The following CDH23 variants were observed in gnomAD, a reference collection of about 807,000 sequenced individuals.
CDH23 encodes cadherin related 23, also known as cadherin-23.
CDH23 carries 189 observed loss-of-function variants against 317.1 expected under a neutral mutation model. That is an observed-to-expected ratio of 0.60 (90% CI 0.53 to 0.67). The LOEUF is 0.67. Among genes scored for constraint, CDH23 ranks in the 30% least tolerant of loss-of-function variants. The probability of loss-of-function intolerance (pLI) is 0.00; values close to 1 mark genes in which losing one functional copy is unlikely to be tolerated. For missense variants in CDH23, 4,401 were observed against 4,592.4 expected (o/e 0.96, Z 1.20); for synonymous variants, 1,839 against 1,876.8 (o/e 0.98, Z 0.52).
chr10:71,533,168 G>A (rs1855498826), intron 6 of CDH23, among the ~76,000 whole-genome samples: 1 of 151,976 alleles, frequency 6.6e-6, no homozygotes, highest in South Asian at 2.1e-4. Context: ...CTGCCCCGAA[G>A]GCGGCTTGGA....
At chr10:71,641,848 G>T (rs1862564976) in intron 11 of CDH23, among the ~76,000 whole-genome samples, 1 of 152,184 alleles carries the variant, frequency 6.6e-6, no homozygotes, top group Non-Finnish European at 1.5e-5. Flanking sequence ...GGAGGCTAAG[G>T]AGGGTGGATC....
chr10:71,799,106 C>T lies in CDH23; in HGVS notation c.7055-5C>T, dbSNP rs1300325886. 1 of 1,611,812 alleles carries T rather than the reference C, an allele frequency of 6.2e-7. No individual in the cohort carries two copies. The highest frequency in any genetic ancestry group is 8.5e-7 in the Non-Finnish European group (1 of 1,178,284). ...AAAATGGCAGTGGGAGCCTCTGTGT[C>T]TTAGGGAAGGTCATTGCCAACCGGA... On this transcript the variant is annotated splice_polypyrimidine_tract_variant and splice_region_variant and intron_variant, in intron 50 of 69. Coordinates refer to ENST00000224721, the MANE Select transcript of CDH23 (RefSeq NM_022124.6).
intron 38 of CDH23, among the ~76,000 whole-genome samples, chr10:71,746,384 G>T (rs1022186305): frequency 2.0e-5 from 3 of 152,224 alleles, no homozygotes; most frequent in African/African-American, 7.2e-5. Flanking sequence ...GGACATTCCT[G>T]CAAACAGCCT....
intron 46 of CDH23, 58 bp from the exon 47 acceptor site, chr10:71,791,074 G>A (rs766484771): frequency 1.1e-4 from 156 of 1,418,566 alleles, no homozygotes; most frequent in Non-Finnish European, 1.4e-4. Context: ...TTCTTGCCCT[G>A]TCTTCCCACC....
chr10:71,809,721 TC>T, intron 60 of CDH23, 98 bp from the exon 61 acceptor site: 2 of 1,504,534 alleles, frequency 1.3e-6, no homozygotes, highest in South Asian at 1.3e-5. Flanking sequence ...TTGTGCCGCC[TC>T]CCCTAGATGT....
chr10:71,762,111 T>A, intron 38 of CDH23: 1 of 1,423,752 alleles, frequency 7.0e-7, no homozygotes. Context: ...CCTTAGCCTC[T>A]GCTACTTCCC....
chr10:71,604,881 A>ATTCC (rs1406415624), intron 9 of CDH23, among the ~76,000 whole-genome samples: 1 of 152,236 alleles, frequency 6.6e-6, no homozygotes, highest in Non-Finnish European at 1.5e-5. Context: ...CTGTGAGCAA[A>ATTCC]TTCCTTCCTT....
chr10:71,668,374 C>T (rs985620177), intron 14 of CDH23, among the ~76,000 whole-genome samples: 1 of 152,186 alleles, frequency 6.6e-6, no homozygotes, highest in African/African-American at 2.4e-5. Flanking sequence ...ATCCCATGGC[C>T]GAGCTCTCAA....
intron 1 of CDH23, among the ~76,000 whole-genome samples, chr10:71,404,445 G>C (rs750397221): frequency 6.6e-6 from 1 of 152,174 alleles, no homozygotes; most frequent in Non-Finnish European, 1.5e-5. Context: ...ATTCATTTCC[G>C]ATACCCCCTT....
chr10:71,459,080 C>T (rs1045585568), intron 3 of CDH23, among the ~76,000 whole-genome samples: 1 of 113,910 alleles, frequency 8.8e-6, no homozygotes, highest in African/African-American at 2.9e-5. Context: ...GCCACCACAC[C>T]TGGCCTTTTT....
intron 14 of CDH23, among the ~76,000 whole-genome samples, chr10:71,654,415 T>C (rs777968707): frequency 1.5e-4 from 23 of 152,244 alleles, no homozygotes; most frequent in Non-Finnish European, 2.8e-4. Context: ...AAGGCTGAAG[T>C]GCTGGGGCCT....
At chr10:71,650,442 C>A (rs138132940) in intron 14 of CDH23, among the ~76,000 whole-genome samples, 2 of 152,152 alleles carry the variant, frequency 1.3e-5, no homozygotes, top group Non-Finnish European at 2.9e-5. Flanking sequence ...GTGAGGTATG[C>A]TTGTGGGATG....
At position 71,636,270 on chromosome 10, in the gene CDH23, A is replaced by C. The variant is rs151209899; in HGVS notation, c.1135-7591A>C. ...TGCGGTAGCTCACACCTGTAATCCC[A>C]GCACTTTGGGAAGCCGAGGCGGGAG... On this transcript the variant is annotated intron_variant, in intron 11 of 69. Coordinates refer to ENST00000224721, the MANE Select transcript of CDH23 (RefSeq NM_022124.6). Among the ~76,000 whole-genome samples, 965 of 152,286 alleles carry C rather than the reference A, an allele frequency of 6.3e-3. 6 individuals are homozygous for C. The highest frequency in any genetic ancestry group is 0.022 in the African/African-American group (919 of 41,548).
At chr10:71,411,417 G>A (rs1470778499) in intron 1 of CDH23, among the ~76,000 whole-genome samples, 3 of 151,506 alleles carry the variant, frequency 2.0e-5, no homozygotes, top group Admixed American at 6.6e-5. Context: ...TTTTCATTTT[G>A]TATTATTAAC....
intron 1 of CDH23, among the ~76,000 whole-genome samples, chr10:71,438,347 C>CAAAAAAAAAAAAAAAAAAAAAGAAAA (rs10596696): frequency 1.0e-5 from 1 of 98,360 alleles, no homozygotes; most frequent in Non-Finnish European, 2.2e-5. Flanking sequence ...CTGTCTCAAA[C>CAAAAAAAAAAAAAAAAAAAAAGAAAA]AAAAAAAAAA....
intron 11 of CDH23, among the ~76,000 whole-genome samples, chr10:71,622,731 A>T (rs1345708846): frequency 2.0e-5 from 3 of 152,066 alleles, no homozygotes. Flanking sequence ...GGAGCATTTG[A>T]TCCACTTTCC....
intron 3 of CDH23, among the ~76,000 whole-genome samples, chr10:71,472,127 C>T (rs1057025736): frequency 4.6e-5 from 7 of 152,142 alleles, no homozygotes; most frequent in South Asian, 2.1e-4. Flanking sequence ...CTCCGAGTGG[C>T]GGGGAGCTGA....
At chr10:71,788,074 G>A (rs922421710) in intron 44 of CDH23, among the ~76,000 whole-genome samples, 13 of 152,300 alleles carry the variant, frequency 8.5e-5, no homozygotes, top group African/African-American at 2.4e-4. Flanking sequence ...TTGAGATGGT[G>A]TCTTGCTCTC....
At chr10:71,651,330 G>T (rs1053889284) in intron 14 of CDH23, among the ~76,000 whole-genome samples, 2 of 139,354 alleles carry the variant, frequency 1.4e-5, no homozygotes, top group Admixed American at 1.6e-4. Context: ...AGGAGTTCAA[G>T]ATCAGCCTGG....
Sources: allele counts gnomAD v4.1 joint callset (sites outside exome capture counted in the v4.1 genomes callset), GRCh38; gene constraint gnomAD v4.1.1; transcripts MANE v1.5; gene names NCBI Gene and HGNC (gene_info 2026-07-23, HGNC 2026-07-21).